The following SLC14A1 variants were observed in gnomAD, a reference collection of about 807,000 sequenced individuals.
SLC14A1 encodes the protein urea transporter 1.
A neutral mutation model predicts 39.6 loss-of-function variants in SLC14A1; 36 were observed. The observed-to-expected ratio is 0.91, with a 90% confidence interval of 0.70 to 1.20. The LOEUF (loss-of-function observed/expected upper bound fraction) is 1.20, where lower values mean the gene tolerates loss of function less well. Among genes scored for constraint, SLC14A1 ranks in the 50% most tolerant of loss-of-function variants. SLC14A1 has a pLI of 0.00. For missense variants in SLC14A1, 469 were observed against 478.7 expected (o/e 0.98, Z 0.19); for synonymous variants, 164 against 173.6 (o/e 0.94, Z 0.43).
rs770645099 is a variant in SLC14A1, at chr18:45,730,995, C to A, written c.152-20C>A. On this transcript the variant is annotated intron_variant, in intron 3 of 9. Coordinates refer to ENST00000321925, the MANE Select transcript of SLC14A1 (RefSeq NM_015865.7). ...TCACTTGGCAGCTTCCTTAGCTCTG[C>A]TTTACCTCATCCCTTCCAGACAAAC... is the stretch of plus-strand genomic sequence containing the variant. 3 of 1,613,314 alleles carry A rather than the reference C, an allele frequency of 1.9e-6. No homozygotes were observed. Among genetic ancestry groups the A allele is most frequent in the Non-Finnish European group, 2.5e-6 (3 of 1,179,328 alleles).
At chr18:45,742,353 G>GT (rs34628652) in intron 8 of SLC14A1, among the ~76,000 whole-genome samples, 2,904 of 117,980 alleles carry the variant, frequency 0.025, 155 homozygotes, top group African/African-American at 0.064. Context: ...TTGTTTTTTG[G>GT]TTTTTTTTTT....
chr18:45,739,324 C>T lies in SLC14A1; in HGVS notation c.811+14C>T. The T allele has an allele frequency of 2.5e-6, 4 of 1,614,056 alleles. No individual in the cohort carries two copies. Among genetic ancestry groups the T allele is most frequent in the Non-Finnish European group, 3.4e-6 (4 of 1,179,994 alleles). On this transcript the variant is annotated intron_variant, in intron 7 of 9. Coordinates refer to ENST00000321925, the MANE Select transcript of SLC14A1 (RefSeq NM_015865.7). ...GCATAGCAGCGGGTGAGCACAAGAG[C>T]CCTTACCAAATATTGAGCACCTCCT...
chr18:45,734,448 A>G lies in SLC14A1; in HGVS notation c.470+46A>G, dbSNP rs773851667. The G allele has an allele frequency of 3.3e-6, 5 of 1,532,584 alleles. No individual in the cohort carries two copies. The South Asian group carries it at 5.6e-5, about 17-fold the overall frequency. The allele number at this position is 1,532,584 out of a possible 1,614,324, so 94.9% of individuals were successfully genotyped here. ...AAAATGCCTTTTTGAAAAAAAAAAC[A>G]TGGCAGAAGGAGGGAATGGGAGTTG... On this transcript the variant is annotated intron_variant, in intron 5 of 9. Coordinates refer to ENST00000321925, the MANE Select transcript of SLC14A1 (RefSeq NM_015865.7).
At chr18:45,746,491 C>G (rs1319118628) in intron 8 of SLC14A1, among the ~76,000 whole-genome samples, 1 of 152,074 alleles carries the variant, frequency 6.6e-6, no homozygotes, top group Admixed American at 6.6e-5. Flanking sequence ...AAAAGTGAGC[C>G]TTAGAAGTGT....
rs2047015511 is a variant in SLC14A1, at chr18:45,731,070, G to A, written c.207G>A (p.Val69=). 1.9e-6 allele frequency: 3 copies of A among 1,614,118 alleles called. No individual in the cohort carries two copies. The highest frequency in any genetic ancestry group is 2.5e-6 in the Non-Finnish European group (3 of 1,180,012). Residue 69 remains valine (V), a synonymous_variant, in exon 4 of 10, where the codon GTG becomes GTA. Transcript: ENST00000321925. ...IDWILRGISQ[V]VFVNNPVSGI... is the part of the protein sequence containing the mutation. ...GGATTCTCCGGGGCATATCCCAAGT[G>A]GTGTTCGTCAACAACCCCGTCAGTG... is the stretch of plus-strand genomic sequence containing the variant.
chr18:45,750,398 A>C lies in SLC14A1; in HGVS notation c.*447A>C. On this transcript the variant is annotated 3_prime_UTR_variant, in exon 10 of 10. Coordinates refer to ENST00000321925, the MANE Select transcript of SLC14A1 (RefSeq NM_015865.7). ...GTTAATCCAGAATTCTGTGATAAGC[A>C]GCTTGGCTTTTTTTTTAAATCAATG... The C allele has an allele frequency of 9.3e-7, 1 of 1,079,884 alleles. No individual in the cohort carries two copies. The highest frequency in any genetic ancestry group is 1.1e-6 in the Non-Finnish European group (1 of 887,710). The allele number at this position is 1,079,884 out of a possible 1,614,324, so 66.9% of individuals were successfully genotyped here.
rs1333346176 is a variant in SLC14A1 at position 45,750,205 on chromosome 18, GGAAT to G, written c.*256_*259del. The G allele has an allele frequency of 3.1e-5, 43 of 1,397,708 alleles. No homozygotes were observed. The highest frequency in any genetic ancestry group is 3.7e-5 in the Non-Finnish European group (40 of 1,077,634). 86.6% of individuals were successfully genotyped at this position (1,397,708 alleles called of 1,614,324 possible). ...CCAATGGGGCCTTGGCACTAAGACTGGAATGTATATAAAGTCAAAGTGCTCCAAC... is the reference window on the plus strand; with the variant it reads ...CCAATGGGGCCTTGGCACTAAGACTGGTATATAAAGTCAAAGTGCTCCAAC... On this transcript the variant is annotated 3_prime_UTR_variant, in exon 10 of 10. Coordinates refer to ENST00000321925, the MANE Select transcript of SLC14A1 (RefSeq NM_015865.7).
chr18:45,727,103 T>C, intron 2 of SLC14A1: 1 of 634,650 alleles, frequency 1.6e-6, no homozygotes, highest in Non-Finnish European at 2.8e-6. Context: ...AAAGTCCTCC[T>C]TCTTCATTAG....
intron 8 of SLC14A1, among the ~76,000 whole-genome samples, chr18:45,743,487 C>T (rs768278921): frequency 2.0e-5 from 3 of 152,112 alleles, no homozygotes; most frequent in Non-Finnish European, 2.9e-5. Flanking sequence ...GCCAGACAGC[C>T]TGGATTCAAT....
intron 2 of SLC14A1, chr18:45,727,359 G>T: frequency 2.6e-6 from 4 of 1,551,592 alleles, no homozygotes; most frequent in Non-Finnish European, 3.5e-6. Context: ...AGCTGGTGAC[G>T]CAGCGCGCAG....
At chr18:45,731,425 G>C in intron 4 of SLC14A1, 1 of 602,556 alleles carries the variant, frequency 1.7e-6, no homozygotes, top group Non-Finnish European at 3.0e-6. Flanking sequence ...CCAGATTCTT[G>C]TGGCATTACG....
rs527463691 is a variant in SLC14A1 at position 45,739,420 on chromosome 18, C to A, written c.812-108C>A. 1.7e-5 allele frequency: 28 copies of A among 1,603,188 alleles called. No individual in the cohort carries two copies. In the African/African-American group the frequency reaches 3.6e-4, roughly 21 times the overall value. On this transcript the variant is annotated intron_variant, in intron 7 of 9. Transcript: ENST00000321925. ...CTTGAGATCTTGGCTTCCTAGGGAC[C>A]AATGGGAGTTCCCGGGATGCTTCCT... is the stretch of plus-strand genomic sequence containing the variant.
At chr18:45,736,738 T>C (rs2047208835) in intron 6 of SLC14A1, 90 bp downstream of exon 6, 5 of 1,129,136 alleles carry the variant, frequency 4.4e-6, no homozygotes, top group Non-Finnish European at 6.7e-6. Flanking sequence ...CAGAGTCTCC[T>C]AGATGCTCAG....
At chr18:45,741,724 G>C (rs181043027) in intron 8 of SLC14A1, among the ~76,000 whole-genome samples, 1 of 152,316 alleles carries the variant, frequency 6.6e-6, no homozygotes, top group Admixed American at 6.5e-5. Flanking sequence ...ATTACAGACA[G>C]GTGCTGTAGC....
chr18:45,750,173 T>C lies in SLC14A1; in HGVS notation c.*222T>C. The C allele has an allele frequency of 7.0e-7, 1 of 1,431,732 alleles. No homozygotes were observed. The highest frequency in any genetic ancestry group is 9.1e-7 in the Non-Finnish European group (1 of 1,098,322). 88.7% of individuals were successfully genotyped at this position (1,431,732 alleles called of 1,614,324 possible). A position where few individuals can be genotyped will look rare whatever the true frequency, so the allele number is the denominator to read the frequency against. On this transcript the variant is annotated 3_prime_UTR_variant, in exon 10 of 10. Transcript: ENST00000321925. ...AGGTGATGTGCTCTGGTATGGAATT[T>C]GAAACCCCAATGGGGCCTTGGCACT...
intron 5 of SLC14A1, among the ~76,000 whole-genome samples, chr18:45,735,396 G>T (rs1024531725): frequency 6.6e-6 from 1 of 152,108 alleles, no homozygotes; most frequent in Non-Finnish European, 1.5e-5. Flanking sequence ...CTGTGCCTAC[G>T]TGAATTCCCC....
chr18:45,746,596 G>A (rs909796350), intron 8 of SLC14A1, among the ~76,000 whole-genome samples: 2 of 152,160 alleles, frequency 1.3e-5, no homozygotes, highest in African/African-American at 4.8e-5. Flanking sequence ...AGGGACAGAG[G>A]GCCCCAGTGC....
chr18:45,750,493 T>G lies in SLC14A1; in HGVS notation c.*542T>G, dbSNP rs2047676593. The G allele has an allele frequency of 4.9e-6, 5 of 1,022,960 alleles. No individual in the cohort carries two copies. Among genetic ancestry groups the G allele is most frequent in the Non-Finnish European group, 5.9e-6 (5 of 852,902 alleles). 63.4% of individuals were successfully genotyped at this position (1,022,960 alleles called of 1,614,324 possible). ...CTGACAGCAGAGCTCAGTCCCCACTTCCTGCAAACAATGGCCTGCACCCTA... is the reference window on the plus strand; with the variant it reads ...CTGACAGCAGAGCTCAGTCCCCACTGCCTGCAAACAATGGCCTGCACCCTA... On this transcript the variant is annotated 3_prime_UTR_variant, in exon 10 of 10. Coordinates refer to ENST00000321925, the MANE Select transcript of SLC14A1 (RefSeq NM_015865.7).
intron 8 of SLC14A1, among the ~76,000 whole-genome samples, chr18:45,742,318 G>GT (rs1446116151): frequency 7.0e-6 from 1 of 143,676 alleles, no homozygotes; most frequent in African/African-American, 2.6e-5. Context: ...CGAGGTTTTT[G>GT]TTTTTCTGGG....
Sources: gnomAD v4.1 joint callset for allele counts (sites outside exome capture counted in the v4.1 genomes callset) on GRCh38, gnomAD v4.1.1 for gene constraint, MANE v1.5 for transcripts, NCBI Gene and HGNC (gene_info 2026-07-23, HGNC 2026-07-21) for gene names.